Variants in ZNF616 observed in about 807,000 individuals in gnomAD.
The protein encoded by ZNF616 is zinc finger protein 616.
Under a neutral mutation model 7.6 loss-of-function variants are expected in ZNF616, and 5 were observed. The observed-to-expected ratio is 0.66, with a 90% confidence interval of 0.34 to 1.38. The LOEUF (loss-of-function observed/expected upper bound fraction) is 1.38. Among genes scored for constraint, ZNF616 ranks in the 40% most tolerant of loss-of-function variants. The pLI, the probability that ZNF616 is intolerant of heterozygous loss-of-function variation, is 0.04. For synonymous variants in ZNF616, 319 were observed against 317.2 expected, an observed-to-expected ratio of 1.01 and a Z score of -0.06; for missense variants, 913 against 948.3, an observed-to-expected ratio of 0.96 and a Z score of 0.49.
chr19:52,124,402 G>A (rs967634945), intron 2 of ZNF616, among the ~76,000 whole-genome samples: 2 of 152,182 alleles, frequency 1.3e-5, no homozygotes, highest in Admixed American at 6.5e-5. Flanking sequence ...TGTCTACAGC[G>A]GCTTTAAAGG....
In ZNF616 at chr19:52,116,544, T is replaced by C. The variant is rs1182143574; in HGVS notation, c.620A>G (p.His207Arg). ...SSSLINHQRI[H>R]TTEKPYKCNE... ...GCATTTGTAAGGTTTCTCTGTAGTA[T>C]GTATCCTCTGATGATTAATAAGGCT... Residue 207 changes from histidine (H) to arginine (R), a missense_variant, in exon 4 of 4, where the codon CAT (histidine) becomes CGT (arginine). Transcript: ENST00000600228. 1 of 1,614,172 alleles carries C rather than the reference T, an allele frequency of 6.2e-7. No individual in the cohort carries two copies. Among genetic ancestry groups the C allele is most frequent in the Non-Finnish European group, 8.5e-7 (1 of 1,180,026 alleles).
At chr19:52,117,707 A>G (rs2088837117) in intron 3 of ZNF616, among the ~76,000 whole-genome samples, 1 of 152,208 alleles carries the variant, frequency 6.6e-6, no homozygotes, top group Non-Finnish European at 1.5e-5. Flanking sequence ...TATGATAACT[A>G]GAAAATATGT....
intron 1 of ZNF616, among the ~76,000 whole-genome samples, chr19:52,134,505 G>A (rs867358632): frequency 1.3e-5 from 2 of 152,182 alleles, no homozygotes; most frequent in African/African-American, 2.4e-5. Context: ...TACTACTTTC[G>A]AAATGGTAGC....
intron 2 of ZNF616, 101 bp from the exon 3 acceptor site, chr19:52,124,150 G>C: frequency 6.9e-7 from 1 of 1,447,170 alleles, no homozygotes; most frequent in Non-Finnish European, 9.3e-7. Context: ...TGTGTGTTTT[G>C]ACATATCTAT....
chr19:52,132,701 G>C (rs995006385), intron 1 of ZNF616, among the ~76,000 whole-genome samples: 2 of 152,096 alleles, frequency 1.3e-5, no homozygotes, highest in Non-Finnish European at 2.9e-5. Flanking sequence ...CTTCCTACAG[G>C]CTCCCCAGAA....
At chr19:52,131,845 C>T (rs752971972) in intron 1 of ZNF616, among the ~76,000 whole-genome samples, 9 of 152,044 alleles carry the variant, frequency 5.9e-5, no homozygotes, top group Non-Finnish European at 1.2e-4. Context: ...CTTTGCAGCT[C>T]GGGATGGGGG....
At chr19:52,121,887 A>G (rs2088866606) in intron 3 of ZNF616, among the ~76,000 whole-genome samples, 2 of 152,180 alleles carry the variant, frequency 1.3e-5, no homozygotes, top group African/African-American at 4.8e-5. Flanking sequence ...ACTTCTGGAT[A>G]AAATATAATT....
At chr19:52,138,342 C>CT in intron 1 of ZNF616, 1 of 152,222 alleles carries the variant, frequency 6.6e-6, no homozygotes, top group South Asian at 2.1e-4. Context: ...ATGCACAAGC[C>CT]TTGTAGAAAA....
At position 52,114,129 on chromosome 19, in the gene ZNF616, C is replaced by T. The variant is rs2088793633; in HGVS notation, c.*689G>A. 6.6e-6 allele frequency: 1 copy of T among 152,126 alleles called. No homozygotes were observed. Among genetic ancestry groups the T allele is most frequent in the South Asian group, 2.1e-4 (1 of 4,824 alleles). The allele number at this position is 152,126 out of a possible 1,614,324, so 9.4% of individuals were successfully genotyped here. ...TCTTATGACAAGTAGTGATTGAACT[C>T]TAGTAAAGGTTTTGCCACCCTCATT... On this transcript the variant is annotated 3_prime_UTR_variant, in exon 4 of 4. Transcript: ENST00000600228.
rs114482430 is a variant in ZNF616 at position 52,133,170 on chromosome 19, G to A, written c.-76-2582C>T. ...GGAATGGGAGGCAAGAAGTGAAGAC[G>A]GAGAGTATAAATAAGATTTCAGCAC... On this transcript the variant is annotated intron_variant, in intron 1 of 3. Coordinates refer to ENST00000600228, the MANE Select transcript of ZNF616 (RefSeq NM_178523.5). Among the ~76,000 whole-genome samples the A allele has an allele frequency of 3.0e-3, 455 of 152,258 alleles. 2 individuals carry two copies. Among genetic ancestry groups the A allele is most frequent in the African/African-American group, 0.01 (416 of 41,546 alleles).
At position 52,114,757 on chromosome 19, in the gene ZNF616, A is replaced by C. The variant is rs1051402994; in HGVS notation, c.*61T>G. 6.0e-6 allele frequency: 9 copies of C among 1,492,424 alleles called. No homozygotes were observed. Among genetic ancestry groups the C allele is most frequent in the Non-Finnish European group, 8.1e-6 (9 of 1,115,324 alleles). The allele number at this position is 1,492,424 out of a possible 1,614,324, so 92.4% of individuals were successfully genotyped here. A position where few individuals can be genotyped will look rare whatever the true frequency, so the allele number is the denominator to read the frequency against. On this transcript the variant is annotated 3_prime_UTR_variant, in exon 4 of 4. Coordinates refer to ENST00000600228, the MANE Select transcript of ZNF616 (RefSeq NM_178523.5). ...CACAGGGATTTCAAGAGAAGGGGTA[A>C]ATATACAAGGTATATCAGTAAGTAG...
intron 3 of ZNF616, among the ~76,000 whole-genome samples, chr19:52,119,567 A>T (rs1276410189): frequency 2.0e-5 from 3 of 152,058 alleles, no homozygotes; most frequent in Non-Finnish European, 4.4e-5. Flanking sequence ...GGAAGAGAAA[A>T]GGCAAGAGGA....
intron 1 of ZNF616, among the ~76,000 whole-genome samples, chr19:52,137,090 G>GTATATT (rs1050144777): frequency 1.4e-5 from 2 of 147,762 alleles, no homozygotes; most frequent in Non-Finnish European, 3.0e-5. Flanking sequence ...GTGTGTGTGT[G>GTATATT]TATATTTATA....
At chr19:52,123,241 AGTAGC>A (rs2088878039) in intron 3 of ZNF616, among the ~76,000 whole-genome samples, 1 of 152,214 alleles carries the variant, frequency 6.6e-6, no homozygotes, top group African/African-American at 2.4e-5. Flanking sequence ...ACCAGATTAA[AGTAGC>A]GGTCACTTAA....
At chr19:52,133,663 G>C (rs2088981708) in intron 1 of ZNF616, among the ~76,000 whole-genome samples, 1 of 152,028 alleles carries the variant, frequency 6.6e-6, no homozygotes, top group African/African-American at 2.4e-5. Context: ...ACAGGCATGT[G>C]CCACCACACC....
intron 2 of ZNF616, among the ~76,000 whole-genome samples, chr19:52,126,822 T>C (rs1319502212): frequency 2.0e-5 from 3 of 152,032 alleles, no homozygotes; most frequent in Non-Finnish European, 4.4e-5. Context: ...GAGAGTCTAA[T>C]GGGCCCATGA....
Position 52,116,612 on chromosome 19 carries a change from C to A in ZNF616, c.552G>T (p.Thr184=). ...CLVSPHIREK[T]YVCNECGKAF... ...CTTTGCCACATTCATTACATACATACGTTTTTTCCCTAATGTGTGGAGAAA... is the reference window on the plus strand; with the variant it reads ...CTTTGCCACATTCATTACATACATAAGTTTTTTCCCTAATGTGTGGAGAAA... The change falls in exon 4 of 4, where the codon ACG becomes ACT. Residue 184 remains threonine, a synonymous_variant. Transcript: ENST00000600228. 4 of 1,614,034 alleles carry A rather than the reference C, an allele frequency of 2.5e-6. No individual in the cohort carries two copies. In the East Asian group the frequency reaches 6.7e-5, roughly 27 times the overall value.
chr19:52,115,219 T>TA lies in ZNF616; in HGVS notation c.1944dup (p.Arg649Ter). Reference sequence around the variant, plus strand: ...CCAGTATGAACAGTCTGATGAAGTCTAAGATGGACACGCTGACTAAAGGAA... The same window carrying TA: ...CCAGTATGAACAGTCTGATGAAGTCTAAAGATGGACACGCTGACTAAAGGAA... On this transcript the variant is annotated frameshift_variant, in exon 4 of 4. Transcript: ENST00000600228. LOFTEE classifies it low-confidence loss of function (END_TRUNC). The TA allele has an allele frequency of 6.2e-7, 1 of 1,614,192 alleles. No individual in the cohort carries two copies. The highest frequency in any genetic ancestry group is 1.1e-5 in the South Asian group (1 of 91,088).
Position 52,115,222 on chromosome 19 carries a change from G to C in ZNF616, c.1942C>G (p.Leu648Val), listed in dbSNP as rs1209133941. The change falls in exon 4 of 4, where the codon CTT becomes GTT. Residue 648 changes from leucine to valine, a missense_variant. By Grantham distance (32) the Leu-to-Val change is conservative. Transcript: ENST00000600228. ...GTATGAACAGTCTGATGAAGTCTAAGATGGACACGCTGACTAAAGGAATTC... is the reference window on the plus strand; with the variant it reads ...GTATGAACAGTCTGATGAAGTCTAACATGGACACGCTGACTAAAGGAATTC... ...CGNSFSQRVH[L>V]RLHQTVHTGD... The C allele has an allele frequency of 6.2e-7, 1 of 1,614,186 alleles. No individual in the cohort carries two copies. The highest frequency in any genetic ancestry group is 1.7e-5 in the Admixed American group (1 of 60,020).
Sources: gnomAD v4.1 joint callset for allele counts (sites outside exome capture counted in the v4.1 genomes callset) on GRCh38, gnomAD v4.1.1 for gene constraint, MANE v1.5 for transcripts, NCBI Gene and HGNC (gene_info 2026-07-23, HGNC 2026-07-21) for gene names.